The following RBMS3 variants were observed in gnomAD, a reference collection of about 807,000 sequenced individuals.
RBMS3 encodes the protein RNA-binding motif, single-stranded-interacting protein 3.
RBMS3 carries 27 observed loss-of-function variants against 66.8 expected under a neutral mutation model. That is an observed-to-expected ratio of 0.40 (90% confidence interval 0.30 to 0.56). The LOEUF is 0.56. RBMS3 is among the 20% of genes least tolerant of loss of function. The pLI, the probability that RBMS3 is intolerant of heterozygous loss-of-function variation, is 0.40. For missense variants in RBMS3, 513 were observed against 549.5 expected (o/e 0.93, Z 0.66); for synonymous variants, 188 against 183.0 (o/e 1.03, Z -0.22).
chr3:29,749,459 A>G (rs1446733246), intron 5 of RBMS3, among the ~76,000 whole-genome samples: 1 of 152,224 alleles, frequency 6.6e-6, no homozygotes, highest in Non-Finnish European at 1.5e-5. Flanking sequence ...ATGAATGGCC[A>G]TATAGGCTCC....
At chr3:29,624,847 T>C (rs1285415102) in intron 4 of RBMS3, among the ~76,000 whole-genome samples, 19 of 152,134 alleles carry the variant, frequency 1.2e-4, no homozygotes, top group Admixed American at 1.2e-3. Flanking sequence ...AAGGAATGTA[T>C]CTCTTGGTCC....
chr3:29,946,875 A>AT (rs1241930771), intron 12 of RBMS3, among the ~76,000 whole-genome samples: 28 of 151,606 alleles, frequency 1.8e-4, no homozygotes, highest in African/African-American at 6.0e-4. Context: ...AGAATGTTTG[A>AT]TTTTCTGCGG....
intron 1 of RBMS3, among the ~76,000 whole-genome samples, chr3:29,431,765 G>T (rs2041215592): frequency 6.6e-6 from 1 of 151,756 alleles, no homozygotes; most frequent in Non-Finnish European, 1.5e-5. Context: ...TTGCTCTGTT[G>T]CCCAGGCTAG....
chr3:29,996,395 A>G (rs1395088964), intron 14 of RBMS3, among the ~76,000 whole-genome samples: 3 of 149,074 alleles, frequency 2.0e-5, no homozygotes, highest in African/African-American at 7.4e-5. Context: ...CAGGAATTGA[A>G]CTCAGCTCTG....
Position 29,500,705 on chromosome 3 carries a change from C to A in RBMS3, c.307+12206C>A, listed in dbSNP as rs1011279420. ...CAGCCTAGGTGTATAGTAGGCTATACCATCTACATTTGTGTAAGTAAACTG... is the reference window on the plus strand; with the variant it reads ...CAGCCTAGGTGTATAGTAGGCTATAACATCTACATTTGTGTAAGTAAACTG... On this transcript the variant is annotated intron_variant, in intron 3 of 14. Coordinates refer to ENST00000383767, the MANE Select transcript of RBMS3 (RefSeq NM_001003793.3). Among the ~76,000 whole-genome samples the A allele has an allele frequency of 4.6e-5, 7 of 152,046 alleles. No individual in the cohort carries two copies. The Middle Eastern group carries it at 0.01, about 222-fold the overall frequency.
intron 6 of RBMS3, among the ~76,000 whole-genome samples, chr3:29,848,937 T>TG (rs1393477681): frequency 6.6e-6 from 1 of 152,186 alleles, no homozygotes; most frequent in East Asian, 1.9e-4. Flanking sequence ...AATGCTAGAA[T>TG]TTGCTCCTTG....
At chr3:29,788,511 C>T (rs1216770737) in intron 6 of RBMS3, among the ~76,000 whole-genome samples, 1 of 152,124 alleles carries the variant, frequency 6.6e-6, no homozygotes, top group African/African-American at 2.4e-5. Context: ...AGGCATGAGC[C>T]ACTCTGCCAG....
chr3:30,003,663 C>A (rs2125406585), intron 14 of RBMS3, among the ~76,000 whole-genome samples, 193 bp from the exon 15 acceptor site: 1 of 151,902 alleles, frequency 6.6e-6, no homozygotes, highest in East Asian at 1.9e-4. Flanking sequence ...ACTCTCTGGC[C>A]CAAATCTGTA....
At chr3:29,467,277 T>C (rs946182831) in intron 2 of RBMS3, among the ~76,000 whole-genome samples, 1 of 152,200 alleles carries the variant, frequency 6.6e-6, no homozygotes, top group African/African-American at 2.4e-5. Context: ...AAAGTTCAAA[T>C]GTACCATTTA....
chr3:29,440,065 A>G (rs1473161184), intron 2 of RBMS3, among the ~76,000 whole-genome samples: 5 of 152,202 alleles, frequency 3.3e-5, no homozygotes, highest in Non-Finnish European at 5.9e-5. Flanking sequence ...TTTTTTACAT[A>G]TAAGTTATAT....
intron 14 of RBMS3, 159 bp downstream of exon 14, chr3:29,991,368 T>C: frequency 8.3e-7 from 1 of 1,210,070 alleles, no homozygotes; most frequent in Admixed American, 2.6e-5. Context: ...AAATTTGGGC[T>C]AACTTTGGGT....
chr3:29,376,930 T>A, intron 1 of RBMS3, among the ~76,000 whole-genome samples: 1 of 141,246 alleles, frequency 7.1e-6, no homozygotes, highest in African/African-American at 2.7e-5. Flanking sequence ...AACAACAAAA[T>A]ACAAAAAAAT....
At chr3:29,840,709 G>C (rs1035783738) in intron 6 of RBMS3, among the ~76,000 whole-genome samples, 1 of 151,964 alleles carries the variant, frequency 6.6e-6, no homozygotes, top group African/African-American at 2.4e-5. Context: ...TTTGTACCTA[G>C]ACAGCATTCC....
chr3:29,730,816 A>G (rs993818843), intron 4 of RBMS3: 1 of 930,822 alleles, frequency 1.1e-6, no homozygotes, highest in Non-Finnish European at 1.3e-6. Flanking sequence ...TATTTGTGAT[A>G]TGGTAATATA....
At chr3:29,871,450 C>G (rs2149554925) in intron 7 of RBMS3, among the ~76,000 whole-genome samples, 1 of 152,096 alleles carries the variant, frequency 6.6e-6, no homozygotes, top group East Asian at 1.9e-4. Flanking sequence ...AAGTAACTTT[C>G]TTTGGTGTCT....
In RBMS3 at chr3:29,901,908, G is replaced by GT. The variant is rs147557552; in HGVS notation, c.939+2154dup. Among the ~76,000 whole-genome samples the GT allele has an allele frequency of 1.8e-3, 273 of 151,888 alleles. 9 individuals are homozygous for GT. In the East Asian group the frequency reaches 0.047, roughly 26 times the overall value. On this transcript the variant is annotated intron_variant, in intron 10 of 14. Transcript: ENST00000383767. ...AGTTTGTACCATCAATCATTTCCCTGTAATAATCTTGTTGGCTGTCCATAT... is the reference window on the plus strand; with the variant it reads ...AGTTTGTACCATCAATCATTTCCCTGTTAATAATCTTGTTGGCTGTCCATAT...
intron 14 of RBMS3, among the ~76,000 whole-genome samples, chr3:30,000,258 GACAT>G (rs1699526922): frequency 6.6e-6 from 1 of 152,072 alleles, no homozygotes; most frequent in East Asian, 1.9e-4. Flanking sequence ...CTCAAAAGAA[GACAT>G]TTATGCAGCC....
chr3:29,578,751 A>G (rs2047211687), intron 3 of RBMS3, among the ~76,000 whole-genome samples: 1 of 151,304 alleles, frequency 6.6e-6, no homozygotes, highest in East Asian at 1.9e-4. Context: ...CAGAATGTAC[A>G]GTATGACAAA....
chr3:29,446,130 C>G (rs1336954734), intron 2 of RBMS3, among the ~76,000 whole-genome samples: 1 of 152,036 alleles, frequency 6.6e-6, no homozygotes, highest in Non-Finnish European at 1.5e-5. Context: ...GGCATAATAC[C>G]ATCACAAGAG....
Sources: allele counts gnomAD v4.1 joint callset (sites outside exome capture counted in the v4.1 genomes callset), GRCh38; gene constraint gnomAD v4.1.1; transcripts MANE v1.5; gene names NCBI Gene and HGNC (gene_info 2026-07-23, HGNC 2026-07-21).